Variants in CMYA5 observed in about 807,000 individuals in gnomAD.
The protein encoded by CMYA5 is cardiomyopathy associated 5, also known as cardiomyopathy-associated protein 5.
Under a neutral mutation model 318.9 loss-of-function variants are expected in CMYA5, and 246 were observed. That is an observed-to-expected ratio of 0.77 (90% confidence interval 0.70 to 0.86). The LOEUF is 0.86. Among genes scored for constraint, CMYA5 ranks in the 40% least tolerant of loss-of-function variants. The probability of loss-of-function intolerance (pLI) is 0.00; values close to 1 mark genes in which losing one functional copy is unlikely to be tolerated. For missense variants in CMYA5, 4,589 were observed against 4,678.2 expected, an observed-to-expected ratio of 0.98 and a Z score of 0.56; for synonymous variants, 1,641 against 1,729.5, an observed-to-expected ratio of 0.95 and a Z score of 1.27.
intron 9 of CMYA5, among the ~76,000 whole-genome samples, chr5:79,769,566 A>C (rs1828817619): frequency 6.6e-6 from 1 of 152,122 alleles, no homozygotes; most frequent in Non-Finnish European, 1.5e-5. Flanking sequence ...TCTCTGATGC[A>C]GGTCTACTGC....
chr5:79,702,090 C>T lies in CMYA5; in HGVS notation c.149+12034C>T, dbSNP rs557500141. Among the ~76,000 whole-genome samples the T allele has an allele frequency of 7.8e-4, 118 of 151,868 alleles. 1 individual carries two copies. The highest frequency in any genetic ancestry group is 1.3e-3 in the Non-Finnish European group (89 of 67,966). ...CTGCACTCCAGCCTGGGTGACAGAG[C>T]GAGACTCCATCTCAATAAAAAGAGA... On this transcript the variant is annotated intron_variant, in intron 1 of 12. Transcript: ENST00000446378.
At chr5:79,702,336 A>G (rs1313605623) in intron 1 of CMYA5, among the ~76,000 whole-genome samples, 9 of 152,138 alleles carry the variant, frequency 5.9e-5, no homozygotes, top group African/African-American at 2.4e-5. Context: ...ATGGCAAGCT[A>G]TGATCGGCCA....
rs1474237497 is a variant in CMYA5 at position 79,763,042 on chromosome 5, T to C, written c.11408-20T>C. ...GCAAGCTGGCATTGCTCCACGACTGTCCTGACTCTCTTTCTGCAGCACCCT... is the reference window on the plus strand; with the variant it reads ...GCAAGCTGGCATTGCTCCACGACTGCCCTGACTCTCTTTCTGCAGCACCCT... On this transcript the variant is annotated intron_variant, in intron 8 of 12. Transcript: ENST00000446378. 2.0e-5 allele frequency: 32 copies of C among 1,606,996 alleles called. No individual in the cohort carries two copies. The highest frequency in any genetic ancestry group is 2.7e-5 in the Non-Finnish European group (32 of 1,174,944).
intron 3 of CMYA5, 110 bp from the exon 4 acceptor site, chr5:79,745,112 A>C: frequency 1.5e-6 from 1 of 671,228 alleles, no homozygotes; most frequent in East Asian, 2.7e-5. Context: ...TGATTCTCTG[A>C]TCAGGATGCC....
intron 11 of CMYA5, among the ~76,000 whole-genome samples, chr5:79,791,515 G>GT (rs1265249926): frequency 2.0e-5 from 3 of 152,104 alleles, no homozygotes; most frequent in African/African-American, 7.2e-5. Context: ...GAGTTCAGGA[G>GT]TTTGAGACCA....
rs563501149 is a variant in CMYA5, at chr5:79,756,957, C to G, written c.11111-1796C>G. Reference sequence around the variant, plus strand: ...CTGTAATCCCAGCACTTTGGGAGGCCGAGGCGAGCGGATCACCTGAGGTCA... The same window carrying G: ...CTGTAATCCCAGCACTTTGGGAGGCGGAGGCGAGCGGATCACCTGAGGTCA... On this transcript the variant is annotated intron_variant, in intron 6 of 12. Transcript: ENST00000446378. Among the ~76,000 whole-genome samples the G allele has an allele frequency of 3.9e-5, 6 of 151,920 alleles. No individual in the cohort carries two copies. In the South Asian group the frequency reaches 1.0e-3, roughly 26 times the overall value.
At chr5:79,799,312 CT>C in intron 12 of CMYA5, 57 bp from the exon 13 acceptor site, 6 of 1,533,882 alleles carry the variant, frequency 3.9e-6, no homozygotes, top group South Asian at 2.6e-5. Flanking sequence ...AGTGACTTTC[CT>C]TTTCAAATTC....
chr5:79,776,404 A>G (rs1335924190), intron 9 of CMYA5, among the ~76,000 whole-genome samples: 2 of 152,234 alleles, frequency 1.3e-5, no homozygotes. Context: ...ACAGTTAGTT[A>G]AGATTTTATA....
intron 1 of CMYA5, among the ~76,000 whole-genome samples, chr5:79,705,402 G>A (rs1827251400): frequency 7.0e-6 from 1 of 143,648 alleles, no homozygotes; most frequent in Non-Finnish European, 1.5e-5. Context: ...ACTATAAATA[G>A]ATAGATAGAT....
chr5:79,791,623 G>A (rs888234811), intron 11 of CMYA5, among the ~76,000 whole-genome samples: 1 of 151,562 alleles, frequency 6.6e-6, no homozygotes, highest in African/African-American at 2.4e-5. Context: ...CGGAGGCTGA[G>A]GCAGGAGAAT....
In CMYA5 at chr5:79,796,013, G is replaced by A. The variant is rs114785857; in HGVS notation, c.11963+2403G>A. On this transcript the variant is annotated intron_variant, in intron 12 of 12. Transcript: ENST00000446378. ...GTGTGCTCGGCCAGAAATGGAGACA[G>A]AAGCAGGGCTGGTCAGGTTCTGTGT... 5.2e-3 allele frequency among the ~76,000 whole-genome samples: 792 copies of A among 152,320 alleles called. 10 individuals are homozygous for A. The highest frequency in any genetic ancestry group is 0.018 in the African/African-American group (767 of 41,568).
chr5:79,795,112 G>A (rs1429290254), intron 12 of CMYA5, among the ~76,000 whole-genome samples: 5 of 152,158 alleles, frequency 3.3e-5, no homozygotes, highest in Admixed American at 1.3e-4. Flanking sequence ...TATGTATTTT[G>A]TTGACCAGTT....
rs116073140 is a variant in CMYA5 at position 79,799,846 on chromosome 5, A to G, written c.*230A>G. On this transcript the variant is annotated 3_prime_UTR_variant, in exon 13 of 13. Transcript: ENST00000446378. ...CAACAACCTCCACTCTTTAGTTTAT[A>G]TAAGTTTGAGTTCTTTCCTAAATTA... The G allele has an allele frequency of 6.2e-4, 227 of 364,434 alleles. 1 individual carries two copies. The highest frequency in any genetic ancestry group is 4.3e-3 in the African/African-American group (205 of 48,078). 22.6% of individuals were successfully genotyped at this position (364,434 alleles called of 1,614,324 possible).
At position 79,732,829 on chromosome 5, in the gene CMYA5, C is replaced by T. The variant is rs776474918; in HGVS notation, c.4064C>T (p.Thr1355Ile). 6 of 1,613,716 alleles carry T rather than the reference C, an allele frequency of 3.7e-6. No homozygotes were observed. Among genetic ancestry groups the T allele is most frequent in the South Asian group, 1.1e-5 (1 of 91,038 alleles). The change falls in exon 2 of 13, where the codon ACA (threonine) becomes ATA (isoleucine). Residue 1355 changes from threonine to isoleucine, a missense_variant. Physicochemically the swap from Thr to Ile is moderately conservative, Grantham distance 89. Around this residue, in one of 3 missense-constraint regions of CMYA5, gnomAD observed 2,132 missense variants for 2,131.3 expected, o/e 1.00. Coordinates refer to ENST00000446378, the MANE Select transcript of CMYA5 (RefSeq NM_153610.5). ...ATTGAACCCAGTTCCTCAACAACTACAGCATCTGTAACTAAGCTTGATTCA... is the reference window on the plus strand; with the variant it reads ...ATTGAACCCAGTTCCTCAACAACTATAGCATCTGTAACTAAGCTTGATTCA... ...KEIEPSSSTT[T>I]ASVTKLDSNL...
intron 2 of CMYA5, among the ~76,000 whole-genome samples, chr5:79,741,497 A>G (rs569717685): frequency 6.6e-6 from 1 of 152,274 alleles, no homozygotes; most frequent in East Asian, 1.9e-4. Context: ...TTTAACTCCC[A>G]AATTAATCCT....
chr5:79,791,682 T>G (rs1829182619), intron 11 of CMYA5, among the ~76,000 whole-genome samples: 1 of 144,580 alleles, frequency 6.9e-6, no homozygotes, highest in African/African-American at 2.6e-5. Flanking sequence ...ATTGTGCCAT[T>G]GCACTCCAGC....
Position 79,762,086 on chromosome 5 carries a change from C to T in CMYA5, c.11407+129C>T, listed in dbSNP as rs148402440. 44 of 1,050,964 alleles carry T rather than the reference C, an allele frequency of 4.2e-5. No individual in the cohort carries two copies. The African/African-American group carries it at 5.9e-4, about 14-fold the overall frequency. 65.1% of individuals were successfully genotyped at this position (1,050,964 alleles called of 1,614,324 possible). ...AGTGTTGTGCAAAGTGCTGGTTATA[C>T]AACGATGACTTAAGCCTGGGGTCCT... On this transcript the variant is annotated intron_variant, in intron 8 of 12. Transcript: ENST00000446378.
In CMYA5 at chr5:79,767,143, G is replaced by T. The variant is rs554511474; in HGVS notation, c.11555+3934G>T. On this transcript the variant is annotated intron_variant, in intron 9 of 12. Coordinates refer to ENST00000446378, the MANE Select transcript of CMYA5 (RefSeq NM_153610.5). ...GGTAGTTTGTATTTCTGTGGGATCA[G>T]TGGTGATATCCCCTTTATCATTTTT... 3.3e-5 allele frequency among the ~76,000 whole-genome samples: 5 copies of T among 152,316 alleles called. No homozygotes were observed. The South Asian group carries it at 1.0e-3, about 32-fold the overall frequency.
rs113971412 is a variant in CMYA5, at chr5:79,700,172, A to G, written c.149+10116A>G. 6.3e-3 allele frequency among the ~76,000 whole-genome samples: 957 copies of G among 152,274 alleles called. 7 individuals carry two copies. The highest frequency in any genetic ancestry group is 0.022 in the African/African-American group (926 of 41,540). ...AACCTGCTACAGTTTTCACTTGTCA[A>G]TCTCATAAGTTTCCTTTGACTGAGT... On this transcript the variant is annotated intron_variant, in intron 1 of 12. Coordinates refer to ENST00000446378, the MANE Select transcript of CMYA5 (RefSeq NM_153610.5).
Sources: gnomAD v4.1 joint callset for allele counts (sites outside exome capture counted in the v4.1 genomes callset) on GRCh38, gnomAD v4.1.1 for gene constraint, gnomAD v4.1.1 regional missense constraint, MANE v1.5 for transcripts, NCBI Gene and HGNC (gene_info 2026-07-23, HGNC 2026-07-21) for gene names.